The following WDPCP variants were observed in gnomAD, a reference collection of about 807,000 sequenced individuals.
WDPCP encodes WD repeat-containing and planar cell polarity effector protein fritz homolog.
In WDPCP, 71 loss-of-function variants were observed where a neutral mutation model predicts 93.1. The ratio of observed to expected loss-of-function variants is 0.76; its 90% confidence interval spans 0.63 to 0.93. WDPCP has a LOEUF of 0.93. Ranked by LOEUF, WDPCP falls within the 40% of genes least tolerant of loss-of-function variation. WDPCP has a pLI of 0.00. For synonymous variants in WDPCP, 315 were observed against 315.0 expected, an observed-to-expected ratio of 1.00 and a Z score of 0.00; for missense variants, 844 against 887.4, an observed-to-expected ratio of 0.95 and a Z score of 0.62.
intron 13 of WDPCP, among the ~76,000 whole-genome samples, chr2:63,299,963 C>A (rs532719049): frequency 5.9e-5 from 9 of 152,224 alleles, no homozygotes; most frequent in African/African-American, 2.2e-4. Flanking sequence ...TCTCTGCCAG[C>A]CACGTGTGCT....
rs768043376 is a variant in WDPCP, at chr2:63,433,908, A to T, written c.662T>A (p.Ile221Lys). The change falls in exon 9 of 18, where the codon ATA becomes AAA. Residue 221 changes from isoleucine (I) to lysine (K), a missense_variant. Physicochemically the swap from Ile to Lys is moderately radical, Grantham distance 102. Coordinates refer to ENST00000272321, the MANE Select transcript of WDPCP (RefSeq NM_015910.7). ...KIFYYEIPGP[I>K]NKTTERHLAI... The stretch of plus-strand genomic sequence containing the variant: ...TAGATGTCGCTCTGTTGTCTTGTTT[A>T]TTGGGCCGGGTATTTCATAATAGAA... The T allele has an allele frequency of 6.2e-7, 1 of 1,613,808 alleles. No individual in the cohort carries two copies. Among genetic ancestry groups the T allele is most frequent in the Non-Finnish European group, 8.5e-7 (1 of 1,179,894 alleles).
At chr2:63,358,664 A>G (rs1690205560) in intron 12 of WDPCP, among the ~76,000 whole-genome samples, 1 of 152,110 alleles carries the variant, frequency 6.6e-6, no homozygotes. Flanking sequence ...ACTTTGTTGC[A>G]TCAGCTGGTC....
chr2:63,534,850 G>A (rs1167833039), intron 1 of WDPCP, among the ~76,000 whole-genome samples: 3 of 152,296 alleles, frequency 2.0e-5, no homozygotes, highest in Admixed American at 6.5e-5. Context: ...AGTGTTGGAA[G>A]TTCTGGCCAG....
chr2:63,154,871 TC>T (rs1672129271), intron 15 of WDPCP, among the ~76,000 whole-genome samples: 1 of 152,182 alleles, frequency 6.6e-6, no homozygotes, highest in African/African-American at 2.4e-5. Context: ...ATCTATCTCA[TC>T]ATGGTTTTAA....
At chr2:63,295,988 A>G (rs961716602) in intron 13 of WDPCP, among the ~76,000 whole-genome samples, 4 of 151,986 alleles carry the variant, frequency 2.6e-5, no homozygotes, top group Non-Finnish European at 5.9e-5. Context: ...CACAACAAAT[A>G]TTCCTAATAA....
intron 6 of WDPCP, among the ~76,000 whole-genome samples, chr2:63,480,039 GATACAAAATTAATGT>G (rs2105879965): frequency 6.6e-6 from 1 of 152,126 alleles, no homozygotes; most frequent in Admixed American, 6.6e-5. Flanking sequence ...AAAGCTTCAG[GATACAAAATTAATGT>G]ATACAATCAG....
At chr2:63,142,897 CACAT>C (rs1264986949) in intron 17 of WDPCP, among the ~76,000 whole-genome samples, 8 of 148,310 alleles carry the variant, frequency 5.4e-5, no homozygotes, top group African/African-American at 2.0e-4. Flanking sequence ...CATATATACA[CACAT>C]ACATATATAT....
At chr2:63,635,654 C>T (rs1709913710) in intron 3 of WDPCP, among the ~76,000 whole-genome samples, 1 of 152,098 alleles carries the variant, frequency 6.6e-6, no homozygotes, top group East Asian at 1.9e-4. Flanking sequence ...TAAAAATCAA[C>T]ATGTTTCATG....
At chr2:63,150,754 T>C (rs1671833251) in intron 17 of WDPCP, among the ~76,000 whole-genome samples, 1 of 152,228 alleles carries the variant, frequency 6.6e-6, no homozygotes, top group Non-Finnish European at 1.5e-5. Flanking sequence ...TTGTTGAATA[T>C]ATTCAATTGG....
At chr2:63,419,815 C>T (rs1695710349) in intron 9 of WDPCP, among the ~76,000 whole-genome samples, 3 of 152,092 alleles carry the variant, frequency 2.0e-5, no homozygotes, top group African/African-American at 7.2e-5. Flanking sequence ...TAAAGAGTGG[C>T]CTTTTCTGGA....
intron 2 of WDPCP, among the ~76,000 whole-genome samples, chr2:63,690,401 C>A (rs1233005745): frequency 6.6e-6 from 1 of 151,928 alleles, no homozygotes; most frequent in East Asian, 1.9e-4. Context: ...TTTTTCACAC[C>A]ATCCCAGTAA....
At chr2:63,388,139 C>T (rs1283039611) in intron 10 of WDPCP, among the ~76,000 whole-genome samples, 1 of 152,048 alleles carries the variant, frequency 6.6e-6, no homozygotes, top group Non-Finnish European at 1.5e-5. Context: ...AATTTGAGAG[C>T]CGTTCCAAGA....
At chr2:63,554,553 T>G (rs555542450) in intron 1 of WDPCP, among the ~76,000 whole-genome samples, 24 of 152,116 alleles carry the variant, frequency 1.6e-4, no homozygotes, top group African/African-American at 5.5e-4. Flanking sequence ...CTTTGGAGGC[T>G]GAGGCAGGAG....
At chr2:63,321,605 G>A (rs1333326975) in intron 12 of WDPCP, among the ~76,000 whole-genome samples, 1 of 151,882 alleles carries the variant, frequency 6.6e-6, no homozygotes, top group Non-Finnish European at 1.5e-5. Context: ...ATTTTATTTG[G>A]TACACGGATA....
chr2:63,283,052 G>T (rs1030396165), intron 13 of WDPCP, among the ~76,000 whole-genome samples: 1 of 152,058 alleles, frequency 6.6e-6, no homozygotes, highest in South Asian at 2.1e-4. Flanking sequence ...ATCCATGGTT[G>T]GTGGAATCCA....
intron 1 of WDPCP, among the ~76,000 whole-genome samples, chr2:63,573,792 T>C (rs964836842): frequency 2.6e-5 from 4 of 152,264 alleles, no homozygotes; most frequent in African/African-American, 7.2e-5. Flanking sequence ...ATGGGAGAAA[T>C]ACCGCTGAAT....
chr2:63,333,451 G>A (rs1353875334), intron 12 of WDPCP, among the ~76,000 whole-genome samples: 1 of 152,026 alleles, frequency 6.6e-6, no homozygotes, highest in Non-Finnish European at 1.5e-5. Context: ...TAAGAGCTAG[G>A]AACACGTTTA....
intron 2 of WDPCP, among the ~76,000 whole-genome samples, chr2:63,804,742 A>G (rs1670740202): frequency 6.6e-6 from 1 of 151,534 alleles, no homozygotes; most frequent in Non-Finnish European, 1.5e-5. Flanking sequence ...TAAAGCGTCC[A>G]TGTTGGGCCG....
intron 15 of WDPCP, among the ~76,000 whole-genome samples, chr2:63,162,397 C>G (rs1173231059): frequency 6.6e-6 from 1 of 152,104 alleles, no homozygotes; most frequent in African/African-American, 2.4e-5. Flanking sequence ...CTGGACATTT[C>G]TGTAACATCT....
Sources: gnomAD v4.1 joint callset for allele counts (sites outside exome capture counted in the v4.1 genomes callset) on GRCh38, gnomAD v4.1.1 for gene constraint, MANE v1.5 for transcripts, NCBI Gene and HGNC (gene_info 2026-07-23, HGNC 2026-07-21) for gene names.